The following FMO1 variants were observed in gnomAD, a reference collection of about 807,000 sequenced individuals.
The protein encoded by FMO1 is flavin-containing monooxygenase 1.
FMO1 carries 36 observed loss-of-function variants against 45.4 expected under a neutral mutation model. That is an observed-to-expected ratio of 0.79 (90% CI 0.61 to 1.05). The LOEUF is 1.05. FMO1 is among the 50% of genes least tolerant of loss of function. FMO1 has a pLI of 0.00. For synonymous variants in FMO1, 228 were observed against 227.2 expected (o/e 1.00, Z -0.03); for missense variants, 615 against 640.3 (o/e 0.96, Z 0.43).
At chr1:171,276,693 GT>G (rs1175620996) in intron 4 of FMO1, among the ~76,000 whole-genome samples, 1 of 152,198 alleles carries the variant, frequency 6.6e-6, no homozygotes, top group African/African-American at 2.4e-5. Flanking sequence ...AATGAATAGA[GT>G]TTTATGGAGT....
intron 8 of FMO1, 25 bp downstream of exon 8, chr1:171,283,241 T>C (rs2101846347): frequency 2.3e-6 from 1 of 444,046 alleles, no homozygotes; most frequent in Non-Finnish European, 3.7e-6. Flanking sequence ...TAATGCACCC[T>C]TTTTAAATTA....
intron 7 of FMO1, 70 bp downstream of exon 7, chr1:171,282,403 G>A (rs1460431808): frequency 1.0e-6 from 1 of 963,246 alleles, no homozygotes; most frequent in Non-Finnish European, 1.6e-6. Context: ...GAAATGTTGA[G>A]ACTATTATTC....
chr1:171,260,266 T>C (rs1310009264), intron 2 of FMO1, among the ~76,000 whole-genome samples: 4 of 152,150 alleles, frequency 2.6e-5, no homozygotes, highest in African/African-American at 9.7e-5. Context: ...GATTTCCTGG[T>C]TGTCGCGTTT....
intron 3 of FMO1, among the ~76,000 whole-genome samples, chr1:171,272,135 G>A (rs1296232414): frequency 6.6e-6 from 1 of 152,240 alleles, no homozygotes; most frequent in Non-Finnish European, 1.5e-5. Context: ...TGCTCCAGCT[G>A]TGGCTAAAAG....
At chr1:171,264,885 C>T (rs1430384732) in intron 2 of FMO1, among the ~76,000 whole-genome samples, 1 of 151,682 alleles carries the variant, frequency 6.6e-6, no homozygotes, top group African/African-American at 2.4e-5. Context: ...GGCGACAGAG[C>T]GAGACTCCAT....
intron 2 of FMO1, among the ~76,000 whole-genome samples, chr1:171,263,853 A>T (rs1357226821): frequency 6.6e-6 from 1 of 152,084 alleles, no homozygotes. Flanking sequence ...ACTGGGGCAG[A>T]TTGCACAGTG....
At chr1:171,277,361 G>A (rs747637820) in intron 4 of FMO1, among the ~76,000 whole-genome samples, 26 of 152,092 alleles carry the variant, frequency 1.7e-4, no homozygotes, top group Non-Finnish European at 7.4e-5. Flanking sequence ...TAGAATAAAC[G>A]TATGATTTCC....
chr1:171,256,228 T>C (rs545563853), intron 1 of FMO1, among the ~76,000 whole-genome samples: 1 of 123,196 alleles, frequency 8.1e-6, no homozygotes, highest in Admixed American at 9.9e-5. Context: ...AGCCGAGATC[T>C]CACCACTGCA....
rs7877 is a variant in FMO1 at position 171,285,751 on chromosome 1, C to T, written c.*207C>T. 0.34 allele frequency: 127,589 copies of T among 379,764 alleles called. 25,366 individuals are homozygous for T. Among genetic ancestry groups the T allele is most frequent in the African/African-American group, 0.7 (33,708 of 48,240 alleles). The allele number at this position is 379,764 out of a possible 1,614,324, so 23.5% of individuals were successfully genotyped here. A position where few individuals can be genotyped will look rare whatever the true frequency, so the allele number is the denominator to read the frequency against. On this transcript the variant is annotated 3_prime_UTR_variant, in exon 9 of 9. Coordinates refer to ENST00000617670, the MANE Select transcript of FMO1 (RefSeq NM_001282693.2). ...TAATGCTAGAGAATGATAACTAAGA[C>T]TTCTGTGCATTTGAAGGTTGTTGGA... is the stretch of plus-strand genomic sequence containing the variant.
At position 171,280,842 on chromosome 1, in the gene FMO1, C is replaced by T; in HGVS notation, c.684C>T (p.Gly228=). Residue 228 remains glycine (G), a synonymous_variant, in exon 6 of 9, where the codon GGC becomes GGT. Coordinates refer to ENST00000617670, the MANE Select transcript of FMO1 (RefSeq NM_001282693.2). ...TGATCAGCCGAATCTTTGACTCGGG[C>T]TACCCATGGGACATGGTGTTCATGA... ...GWVISRIFDS[G]YPWDMVFMTR... is the part of the protein sequence containing the mutation. 6.2e-7 allele frequency: 1 copy of T among 1,613,834 alleles called. No homozygotes were observed. Among genetic ancestry groups the T allele is most frequent in the African/African-American group, 1.3e-5 (1 of 75,030 alleles).
At chr1:171,257,974 A>T in intron 1 of FMO1, 108 bp from the exon 2 acceptor site, 1 of 1,287,034 alleles carries the variant, frequency 7.8e-7, no homozygotes, top group Non-Finnish European at 1.1e-6. Flanking sequence ...GAAGATTCAA[A>T]CTGAGCAAAT....
intron 3 of FMO1, among the ~76,000 whole-genome samples, chr1:171,268,120 T>G (rs1225386715): frequency 6.6e-6 from 1 of 152,160 alleles, no homozygotes; most frequent in Non-Finnish European, 1.5e-5. Context: ...AGGGTCTCAC[T>G]TTGTTGCCCA....
In FMO1 at chr1:171,267,675, G is replaced by A; in HGVS notation, c.265G>A (p.Glu89Lys). ...CTATGTGCCAAATTCTCAATTCCTG[G>A]AATATCTCAAAATGTATGCAAACCA... ...PNYVPNSQFL[E>K]YLKMYANHFD... Residue 89 changes from glutamate to lysine, a missense_variant, in exon 3 of 9, where the codon GAA (glutamate) becomes AAA (lysine). Coordinates refer to ENST00000617670, the MANE Select transcript of FMO1 (RefSeq NM_001282693.2). 3 of 1,613,936 alleles carry A rather than the reference G, an allele frequency of 1.9e-6. No individual in the cohort carries two copies. The highest frequency in any genetic ancestry group is 2.5e-6 in the Non-Finnish European group (3 of 1,179,936).
At chr1:171,275,978 G>A (rs986812565) in intron 4 of FMO1, among the ~76,000 whole-genome samples, 1 of 152,148 alleles carries the variant, frequency 6.6e-6, no homozygotes, top group African/African-American at 2.4e-5. Flanking sequence ...TTACGGCACT[G>A]GTCAATAGTC....
rs567242233 is a variant in FMO1, at chr1:171,280,946, G to T, written c.788G>T (p.Trp263Leu). ...TTGATGGAGCGAAAGATAAACAACT[G>T]GCTCAATCATGCAAATTACGGCTTA... is the stretch of plus-strand genomic sequence containing the variant. Reference protein sequence around the residue: ...TWLMERKINNWLNHANYGLIP... With the variant: ...TWLMERKINNLLNHANYGLIP... The change falls in exon 6 of 9, where the codon TGG (tryptophan) becomes TTG (leucine). Residue 263 changes from tryptophan to leucine, a missense_variant. Transcript: ENST00000617670. The T allele has an allele frequency of 6.2e-7, 1 of 1,613,872 alleles. No individual in the cohort carries two copies. Among genetic ancestry groups the T allele is most frequent in the East Asian group, 2.2e-5 (1 of 44,862 alleles).
chr1:171,265,369 C>T (rs1172678852), intron 2 of FMO1, among the ~76,000 whole-genome samples: 1 of 146,676 alleles, frequency 6.8e-6, no homozygotes, highest in South Asian at 2.1e-4. Flanking sequence ...CTAGCCTGGG[C>T]GACAGAGCGA....
At position 171,283,178 on chromosome 1, in the gene FMO1, A is replaced by C. The variant is rs764630922; in HGVS notation, c.1218A>C (p.Ile406=). Residue 406 remains isoleucine, a synonymous_variant, in exon 8 of 9, where the codon ATA becomes ATC. Coordinates refer to ENST00000617670, the MANE Select transcript of FMO1 (RefSeq NM_001282693.2). ...VNKLPPPSVM[I]EEINARKENK... is the part of the protein sequence containing the mutation. ...AGTTACCACCACCAAGTGTCATGAT[A>C]GAGGAAATTAATGCAAGGAAAGAAA... The C allele has an allele frequency of 3.9e-5, 60 of 1,552,438 alleles. No individual in the cohort carries two copies. Among genetic ancestry groups the C allele is most frequent in the Non-Finnish European group, 5.3e-5 (60 of 1,140,646 alleles).
In FMO1 at chr1:171,275,411, T is replaced by C; in HGVS notation, c.387T>C (p.Thr129=). The C allele has an allele frequency of 6.2e-7, 1 of 1,613,832 alleles. No individual in the cohort carries two copies. The highest frequency in any genetic ancestry group is 1.1e-5 in the South Asian group (1 of 91,062). ...SAVSGQWEVV[T]MHEEKQESAI... is the part of the protein sequence containing the mutation. ...TCTCTGGCCAATGGGAGGTGGTCAC[T>C]ATGCATGAAGAGAAGCAAGAGTCAG... The change falls in exon 4 of 9, where the codon ACT becomes ACC. Residue 129 remains threonine, a synonymous_variant. Transcript: ENST00000617670.
intron 3 of FMO1, among the ~76,000 whole-genome samples, chr1:171,274,267 T>G (rs1286959446): frequency 1.4e-5 from 2 of 142,678 alleles, no homozygotes; most frequent in African/African-American, 5.3e-5. Context: ...AATGACAAGC[T>G]TTTTTTTTTT....
Sources: gnomAD v4.1 joint callset for allele counts (sites outside exome capture counted in the v4.1 genomes callset) on GRCh38, gnomAD v4.1.1 for gene constraint, MANE v1.5 for transcripts, NCBI Gene and HGNC (gene_info 2026-07-23, HGNC 2026-07-21) for gene names.